Variants in RORA observed in about 807,000 individuals in gnomAD.
RORA encodes nuclear receptor ROR-alpha.
A neutral mutation model predicts 69.5 loss-of-function variants in RORA; 7 were observed. The ratio of observed to expected loss-of-function variants is 0.10; its 90% CI spans 0.06 to 0.19. The LOEUF (loss-of-function observed/expected upper bound fraction) is 0.19, where lower values mean the gene tolerates loss of function less well. RORA is among the 10% of genes least tolerant of loss of function. The pLI is 1.00. For synonymous variants in RORA, 261 were observed against 240.8 expected, an observed-to-expected ratio of 1.08 and a Z score of -0.78; for missense variants, 457 against 663.0, an observed-to-expected ratio of 0.69 and a Z score of 3.41.
intron 1 of RORA, among the ~76,000 whole-genome samples, chr15:61,221,364 G>T (rs2080094324): frequency 6.6e-6 from 1 of 152,062 alleles, no homozygotes; most frequent in African/African-American, 2.4e-5. Context: ...TCAAACGATG[G>T]TCCCTCATTT....
intron 1 of RORA, among the ~76,000 whole-genome samples, chr15:60,855,610 T>TTTTATTTATTTA (rs56303340): frequency 7.7e-4 from 117 of 152,010 alleles, no homozygotes; most frequent in East Asian, 6.4e-3. Flanking sequence ...CAGTGTTTGC[T>TTTTATTTATTTA]TTTATTTATT....
chr15:60,746,139 CCAACA>C (rs2071645087), intron 1 of RORA, among the ~76,000 whole-genome samples: 2 of 152,128 alleles, frequency 1.3e-5, no homozygotes, highest in African/African-American at 4.8e-5. Context: ...AAGTATGTGT[CCAACA>C]CAGTCTCTGG....
Position 61,000,975 on chromosome 15 carries a change from T to C in RORA, c.166+228078A>G, listed in dbSNP as rs149260829. On this transcript the variant is annotated intron_variant, in intron 1 of 10. Transcript: ENST00000335670. ...AAGATTCCTCCAGCTCATGATGATC[T>C]TTTAATTAAAAATAAATGGAAAAAA... Among the ~76,000 whole-genome samples the C allele has an allele frequency of 7.1e-4, 108 of 152,304 alleles. 2 individuals are homozygous for C. The East Asian group carries it at 0.019, about 27-fold the overall frequency.
intron 2 of RORA, among the ~76,000 whole-genome samples, chr15:60,635,112 G>A (rs565319160): frequency 3.3e-5 from 5 of 152,164 alleles, no homozygotes; most frequent in Admixed American, 1.3e-4. Context: ...CCAGGCTGCC[G>A]CCACCATGAC....
At chr15:60,844,574 G>A (rs761076999) in intron 1 of RORA, among the ~76,000 whole-genome samples, 1 of 152,140 alleles carries the variant, frequency 6.6e-6, no homozygotes, top group Non-Finnish European at 1.5e-5. Context: ...GGAGCTAGAA[G>A]GAGCTGGTTG....
chr15:60,571,290 G>A (rs1429419208), intron 2 of RORA, among the ~76,000 whole-genome samples: 2 of 151,978 alleles, frequency 1.3e-5, no homozygotes, highest in Admixed American at 6.6e-5. Flanking sequence ...TGAATTCATC[G>A]TAATGGTATA....
At chr15:60,617,974 C>A (rs2069301469) in intron 2 of RORA, among the ~76,000 whole-genome samples, 1 of 152,190 alleles carries the variant, frequency 6.6e-6, no homozygotes, top group Admixed American at 6.5e-5. Flanking sequence ...GCAAGCCAAA[C>A]TCTGGTTCTT....
intron 1 of RORA, among the ~76,000 whole-genome samples, chr15:60,924,245 G>A (rs1393258877): frequency 6.6e-6 from 1 of 151,528 alleles, no homozygotes; most frequent in Non-Finnish European, 1.5e-5. Flanking sequence ...CTGGGAGAAC[G>A]GAAGGAAGGG....
intron 1 of RORA, among the ~76,000 whole-genome samples, chr15:60,911,981 A>G (rs1891737488): frequency 6.6e-6 from 1 of 151,178 alleles, no homozygotes; most frequent in Admixed American, 6.6e-5. Context: ...AAGTGCTGGG[A>G]TTACAGACAT....
At chr15:60,867,865 G>A (rs2073507954) in intron 1 of RORA, among the ~76,000 whole-genome samples, 1 of 151,976 alleles carries the variant, frequency 6.6e-6, no homozygotes, top group African/African-American at 2.4e-5. Context: ...AGGAAGTCCA[G>A]GTGAAATACG....
At chr15:60,722,507 A>G (rs1390033184) in intron 1 of RORA, among the ~76,000 whole-genome samples, 1 of 152,240 alleles carries the variant, frequency 6.6e-6, no homozygotes, top group African/African-American at 2.4e-5. Context: ...GGCTCTGATT[A>G]GCCCCTGAGG....
At chr15:60,634,051 C>T (rs755253580) in intron 2 of RORA, among the ~76,000 whole-genome samples, 1 of 151,992 alleles carries the variant, frequency 6.6e-6, no homozygotes, top group Non-Finnish European at 1.5e-5. Flanking sequence ...TATACATGTA[C>T]AGACTAAAAT....
chr15:61,223,314 C>CAAAAAAAAAAAAAAAA, intron 1 of RORA, among the ~76,000 whole-genome samples: 1 of 96,258 alleles, frequency 1.0e-5, no homozygotes, highest in Non-Finnish European at 1.9e-5. Flanking sequence ...GACTCTGTCT[C>CAAAAAAAAAAAAAAAA]AAAAAAAAAA....
intron 1 of RORA, among the ~76,000 whole-genome samples, chr15:60,973,694 A>C (rs1893793325): frequency 6.6e-6 from 1 of 152,178 alleles, no homozygotes; most frequent in Admixed American, 6.5e-5. Flanking sequence ...CCCAGGGAGG[A>C]GGTGACACTG....
At chr15:60,877,208 C>T (rs1159249053) in intron 1 of RORA, among the ~76,000 whole-genome samples, 1 of 152,186 alleles carries the variant, frequency 6.6e-6, no homozygotes, top group Non-Finnish European at 1.5e-5. Context: ...AAGCACACAT[C>T]AGGCTGAGCA....
At chr15:61,023,081 G>C (rs57058589) in intron 1 of RORA, among the ~76,000 whole-genome samples, 88,669 of 150,828 alleles carry the variant, frequency 0.59, 28,199 homozygotes, top group Non-Finnish European at 0.72. Context: ...CCAGCTACTC[G>C]GGAGGCTGAG....
chr15:60,583,889 T>C (rs1211446108), intron 2 of RORA, among the ~76,000 whole-genome samples: 2 of 152,196 alleles, frequency 1.3e-5, no homozygotes, highest in African/African-American at 4.8e-5. Flanking sequence ...CCCCGAGCAG[T>C]GGTTCCCAAA....
At position 60,905,555 on chromosome 15, in the gene RORA, C is replaced by T. The variant is rs1043300809; in HGVS notation, c.167-226869G>A. Among the ~76,000 whole-genome samples, 4 of 152,132 alleles carry T rather than the reference C, an allele frequency of 2.6e-5. No individual in the cohort carries two copies. Among genetic ancestry groups the T allele is most frequent in the African/African-American group, 9.7e-5 (4 of 41,420 alleles). ...TGTTTCATAGAAAGCAGTTGCTAAA[C>T]AGATGAAAGTAGGTCTGAGGCAAGG... On this transcript the variant is annotated intron_variant, in intron 1 of 10. Coordinates refer to ENST00000335670, the MANE Select transcript of RORA (RefSeq NM_134261.3). The surrounding 1 kb of genome is among the most constrained non-coding windows in gnomAD (Gnocchi z 4.8).
intron 1 of RORA, among the ~76,000 whole-genome samples, chr15:61,029,406 T>G (rs1190060973): frequency 6.6e-6 from 1 of 152,174 alleles, no homozygotes; most frequent in Non-Finnish European, 1.5e-5. Context: ...GATGTTCTGT[T>G]TATCCTAAAT....
Sources: allele counts gnomAD v4.1 joint callset (sites outside exome capture counted in the v4.1 genomes callset), GRCh38; gene constraint gnomAD v4.1.1; non-coding constraint Gnocchi (gnomAD v3.1); transcripts MANE v1.5; gene names NCBI Gene and HGNC (gene_info 2026-07-23, HGNC 2026-07-21).